Variants in JPH1 observed in about 807,000 individuals in gnomAD.
JPH1 encodes the protein junctophilin-1.
Under a neutral mutation model 53.6 loss-of-function variants are expected in JPH1, and 12 were observed. The observed-to-expected ratio is 0.22, with a 90% CI of 0.14 to 0.36. The LOEUF (loss-of-function observed/expected upper bound fraction) is 0.36, where lower values mean the gene tolerates loss of function less well. Ranked by LOEUF, JPH1 falls within the 10% of genes least tolerant of loss-of-function variation. The pLI is 1.00. For missense variants in JPH1, 808 were observed against 905.5 expected (o/e 0.89, Z 1.38); for synonymous variants, 375 against 363.8 (o/e 1.03, Z -0.35).
At chr8:74,291,919 C>T (rs1182347233) in intron 2 of JPH1, among the ~76,000 whole-genome samples, 5 of 152,224 alleles carry the variant, frequency 3.3e-5, no homozygotes, top group East Asian at 1.9e-4. Flanking sequence ...AGCAAACTAT[C>T]GCAAGGACAG....
At chr8:74,266,483 T>C (rs1806535708) in intron 2 of JPH1, among the ~76,000 whole-genome samples, 1 of 152,174 alleles carries the variant, frequency 6.6e-6, no homozygotes, top group Non-Finnish European at 1.5e-5. Flanking sequence ...ACGCGGTACC[T>C]AGAGTAGTCA....
At chr8:74,299,976 T>C (rs1315332598) in intron 2 of JPH1, among the ~76,000 whole-genome samples, 3 of 152,250 alleles carry the variant, frequency 2.0e-5, no homozygotes, top group Non-Finnish European at 2.9e-5. Context: ...ACCTTCAATA[T>C]GTTCTTCTCG....
At chr8:74,300,991 T>C (rs1275535035) in intron 2 of JPH1, among the ~76,000 whole-genome samples, 1 of 152,184 alleles carries the variant, frequency 6.6e-6, no homozygotes, top group Admixed American at 6.5e-5. Flanking sequence ...CATTTTCTAA[T>C]TGAATAATTT....
intron 2 of JPH1, among the ~76,000 whole-genome samples, chr8:74,264,708 T>G (rs919208244): frequency 1.3e-5 from 2 of 152,202 alleles, no homozygotes; most frequent in Admixed American, 6.5e-5. Flanking sequence ...GATAAAAAGT[T>G]AAACCACATT....
chr8:74,302,877 A>T (rs757813796), intron 2 of JPH1, among the ~76,000 whole-genome samples: 4 of 151,756 alleles, frequency 2.6e-5, no homozygotes, highest in Non-Finnish European at 5.9e-5. Flanking sequence ...AGCTGGCACT[A>T]AATAAATGTT....
chr8:74,259,888 T>A (rs2131394311), intron 2 of JPH1, among the ~76,000 whole-genome samples: 1 of 152,374 alleles, frequency 6.6e-6, no homozygotes, highest in East Asian at 1.9e-4. Flanking sequence ...CAAATTCATT[T>A]CTACGGTACA....
At chr8:74,316,476 C>T (rs13282924) in intron 1 of JPH1, among the ~76,000 whole-genome samples, 38,012 of 152,098 alleles carry the variant, frequency 0.25, 5,154 homozygotes, top group East Asian at 0.39. Context: ...ACAAAATTCT[C>T]ATGTGTCCTC....
chr8:74,251,362 A>C (rs976105970), intron 3 of JPH1, among the ~76,000 whole-genome samples: 77 of 152,260 alleles, frequency 5.1e-4, no homozygotes, highest in Non-Finnish European at 8.7e-4. Flanking sequence ...ACTTAGGATC[A>C]CCTGATCTAC....
In JPH1 at chr8:74,315,514, C is replaced by T; in HGVS notation, c.486G>A (p.Ser162=). 1.2e-6 allele frequency: 2 copies of T among 1,605,342 alleles called. No individual in the cohort carries two copies. The highest frequency in any genetic ancestry group is 1.1e-5 in the South Asian group (1 of 90,630). Residue 162 remains serine, a synonymous_variant, in exon 2 of 6, where the codon TCG becomes TCA. Coordinates refer to ENST00000342232, the MANE Select transcript of JPH1 (RefSeq NM_020647.4). The surrounding 1 kb of genome is among the most constrained non-coding windows in gnomAD (Gnocchi z 6.3). ...ATVIRSPLRT[S]LASLRSEQSN... is the part of the protein sequence containing the mutation. ...TCTGCTCGCTGCGCAGCGAGGCCAG[C>T]GAGGTACGCAGCGGTGAGCGGATCA...
At chr8:74,305,975 G>C (rs945818054) in intron 2 of JPH1, among the ~76,000 whole-genome samples, 3 of 152,166 alleles carry the variant, frequency 2.0e-5, no homozygotes, top group Admixed American at 6.5e-5. Flanking sequence ...AATGGGCCCG[G>C]ACTTGGGAGG....
At chr8:74,257,543 T>C (rs1302304646) in intron 3 of JPH1, among the ~76,000 whole-genome samples, 1 of 152,170 alleles carries the variant, frequency 6.6e-6, no homozygotes, top group Non-Finnish European at 1.5e-5. Context: ...TTCTTTCCAA[T>C]GGCAGCACTG....
At chr8:74,257,093 A>C (rs1327705339) in intron 3 of JPH1, among the ~76,000 whole-genome samples, 1 of 152,186 alleles carries the variant, frequency 6.6e-6, no homozygotes, top group African/African-American at 2.4e-5. Flanking sequence ...GAAGATCAAT[A>C]ATACCCGCGA....
intron 2 of JPH1, among the ~76,000 whole-genome samples, chr8:74,272,801 T>A (rs988275655): frequency 6.6e-6 from 1 of 152,038 alleles, no homozygotes; most frequent in African/African-American, 2.4e-5. Context: ...AGACGGGGTT[T>A]CACCGTGTTA....
intron 1 of JPH1, among the ~76,000 whole-genome samples, chr8:74,317,680 T>C (rs1586780991): frequency 6.6e-6 from 1 of 152,206 alleles, no homozygotes; most frequent in East Asian, 1.9e-4. Context: ...CTTTTGTCTA[T>C]AGTGACAAGT....
chr8:74,286,681 C>CTAGA (rs1807173554), intron 2 of JPH1, among the ~76,000 whole-genome samples: 1 of 152,148 alleles, frequency 6.6e-6, no homozygotes. Context: ...AAGTAATTGG[C>CTAGA]CAGATACATG....
intron 2 of JPH1, among the ~76,000 whole-genome samples, chr8:74,261,941 A>G (rs181961882): frequency 3.9e-5 from 6 of 152,374 alleles, no homozygotes; most frequent in African/African-American, 1.4e-4. Context: ...ATAATATGCT[A>G]AACTAGAGAA....
intron 3 of JPH1, 114 bp downstream of exon 3, chr8:74,259,271 T>C (rs1806322209): frequency 4.9e-6 from 4 of 813,750 alleles, no homozygotes; most frequent in East Asian, 2.6e-5. Flanking sequence ...TTGTTTTGTA[T>C]AATAGTACTG....
rs1323696031 is a variant in JPH1 at position 74,315,688 on chromosome 8, C to A, written c.380-68G>T. 5.6e-6 allele frequency: 8 copies of A among 1,440,438 alleles called. No individual in the cohort carries two copies. The Admixed American group carries it at 1.2e-4, about 21-fold the overall frequency. The allele number at this position is 1,440,438 out of a possible 1,614,324, so 89.2% of individuals were successfully genotyped here. A position where few individuals can be genotyped will look rare whatever the true frequency, so the allele number is the denominator to read the frequency against. The stretch of plus-strand genomic sequence containing the variant: ...CTGCACCGTCACCTGCACCATCCAG[C>A]GCACACTGGCGCAGGCCTGCCCAAG... On this transcript the variant is annotated intron_variant, in intron 1 of 5. Transcript: ENST00000342232. The surrounding 1 kb of genome is among the most constrained non-coding windows in gnomAD (Gnocchi z 6.3).
chr8:74,296,958 T>A (rs192756828), intron 2 of JPH1, among the ~76,000 whole-genome samples: 1 of 152,202 alleles, frequency 6.6e-6, no homozygotes, highest in African/African-American at 2.4e-5. Flanking sequence ...ATGCAAGCTA[T>A]GATTTTGCAG....
Sources: gnomAD v4.1 joint callset for allele counts (sites outside exome capture counted in the v4.1 genomes callset) on GRCh38, gnomAD v4.1.1 for gene constraint, Gnocchi (gnomAD v3.1) non-coding constraint, MANE v1.5 for transcripts, NCBI Gene and HGNC (gene_info 2026-07-23, HGNC 2026-07-21) for gene names.